SCIMP: variants seen among roughly 807,000 people sequenced by gnomAD.
SCIMP encodes SLP adapter and CSK-interacting membrane protein.
SCIMP carries 18 observed loss-of-function variants against 22.0 expected under a neutral mutation model. That is an observed-to-expected ratio of 0.82 (90% CI 0.56 to 1.21). The LOEUF is 1.21. SCIMP is among the 50% of genes most tolerant of loss of function. The pLI is 0.00. For missense variants in SCIMP, 155 were observed against 171.2 expected (o/e 0.91, Z 0.53); for synonymous variants, 53 against 62.2 (o/e 0.85, Z 0.70).
intron 2 of SCIMP, 23 bp from the exon 3 acceptor site, chr17:5,221,373 A>G (rs1334018918): frequency 6.3e-7 from 1 of 1,586,312 alleles, no homozygotes; most frequent in East Asian, 2.2e-5. Flanking sequence ...AAGCATGTTC[A>G]TTGAAGAAGA....
intron 1 of SCIMP, 53 bp from the exon 2 acceptor site, chr17:5,223,509 T>G (rs1387318952): frequency 3.1e-6 from 5 of 1,591,494 alleles, no homozygotes; most frequent in Non-Finnish European, 4.3e-6. Context: ...TATCCTGGGG[T>G]TGGGTGGAGT....
intron 3 of SCIMP, among the ~76,000 whole-genome samples, chr17:5,216,620 C>T (rs1264943568): frequency 1.3e-5 from 2 of 151,952 alleles, no homozygotes; most frequent in Non-Finnish European, 2.9e-5. Flanking sequence ...GAGCCAAGAT[C>T]GCGCCACTGC....
At position 5,210,956 on chromosome 17, in the gene SCIMP, C is replaced by A. The variant is rs761274771; in HGVS notation, c.284-1G>T. 6.3e-7 allele frequency: 1 copy of A among 1,598,410 alleles called. No individual in the cohort carries two copies. Among genetic ancestry groups the A allele is most frequent in the African/African-American group, 1.4e-5 (1 of 73,844 alleles). On this transcript the variant is annotated splice_acceptor_variant, in intron 4 of 4. Transcript: ENST00000574081. LOFTEE classifies it high-confidence loss of function. Reference sequence around the variant, plus strand: ...GGCTGACTTGGGGCTTCCTGTGGGGCTAGAATACACAAAAAGCTCCTTAGA... The same window carrying A: ...GGCTGACTTGGGGCTTCCTGTGGGGATAGAATACACAAAAAGCTCCTTAGA...
intron 2 of SCIMP, 131 bp downstream of exon 2, chr17:5,223,202 G>C (rs2074621287): frequency 1.1e-6 from 1 of 929,708 alleles, no homozygotes; most frequent in Non-Finnish European, 1.7e-6. Flanking sequence ...CTCAAACCCA[G>C]AATGCAAGAT....
chr17:5,222,543 G>A (rs2074616278), intron 2 of SCIMP, among the ~76,000 whole-genome samples: 1 of 152,218 alleles, frequency 6.6e-6, no homozygotes, highest in Admixed American at 6.5e-5. Context: ...GTCTGAGGGT[G>A]CCAAGAGGTT....
Position 5,217,745 on chromosome 17 carries a change from T to C in SCIMP, c.210-2747A>G, listed in dbSNP as rs2074576255. ...TGTCCCTACAAAGGACATGAACTCA[T>C]CATTTTTTATGGCTGCATAGTATTC... On this transcript the variant is annotated intron_variant, in intron 3 of 4. Transcript: ENST00000574081. Among the ~76,000 whole-genome samples, 4 of 152,098 alleles carry C rather than the reference T, an allele frequency of 2.6e-5. No individual in the cohort carries two copies. The South Asian group carries it at 8.3e-4, about 32-fold the overall frequency.
At chr17:5,221,242 G>C in intron 3 of SCIMP, 45 bp downstream of exon 3, 1 of 1,376,264 alleles carries the variant, frequency 7.3e-7, no homozygotes, top group Non-Finnish European at 1.0e-6. Context: ...GAAGGGAACA[G>C]GCAGTTCTCA....
At chr17:5,211,850 G>A (rs997256693) in intron 4 of SCIMP, among the ~76,000 whole-genome samples, 1 of 152,074 alleles carries the variant, frequency 6.6e-6, no homozygotes, top group African/African-American at 2.4e-5. Context: ...CTGAGGTCGG[G>A]AGTTCGAGAC....
intron 1 of SCIMP, among the ~76,000 whole-genome samples, chr17:5,226,575 G>A (rs1051660384): frequency 6.8e-6 from 1 of 147,772 alleles, no homozygotes; most frequent in African/African-American, 2.5e-5. Context: ...GCGTGATCTC[G>A]GCTCACTGCA....
chr17:5,229,487 C>A (rs989305057), intron 1 of SCIMP, among the ~76,000 whole-genome samples: 1 of 149,408 alleles, frequency 6.7e-6, no homozygotes, highest in South Asian at 2.1e-4. Flanking sequence ...TCCATCTCCC[C>A]GGTTCAAGCA....
chr17:5,215,211 G>A lies in SCIMP; in HGVS notation c.210-213C>T. 5.8e-6 allele frequency: 3 copies of A among 518,762 alleles called. No individual in the cohort carries two copies. The South Asian group carries it at 7.8e-5, about 13-fold the overall frequency. The allele number at this position is 518,762 out of a possible 1,614,324, so 32.1% of individuals were successfully genotyped here. On this transcript the variant is annotated intron_variant, in intron 3 of 4. Coordinates refer to ENST00000574081, the MANE Select transcript of SCIMP (RefSeq NM_207103.3). ...GTTTTCTGTAGCCCTGGAAATGGCTGAAAATGAGGGGAGGGAAATAAAGTG... is the reference window on the plus strand; with the variant it reads ...GTTTTCTGTAGCCCTGGAAATGGCTAAAAATGAGGGGAGGGAAATAAAGTG...
Position 5,210,861 on chromosome 17 carries a change from CT to C in SCIMP, c.377del (p.Glu126GlyfsTer31). ...KKTVSIPSYI[E>X]PEDDYDDVEI... is the part of the protein sequence containing the mutation. ...CAACATCGTCATAGTCATCTTCAGGCTCAATGTAGCTTGGGATGGAAACAGT... is the reference window on the plus strand; with the variant it reads ...CAACATCGTCATAGTCATCTTCAGGCCAATGTAGCTTGGGATGGAAACAGT... On this transcript the variant is annotated frameshift_variant, in exon 5 of 5. Transcript: ENST00000574081. LOFTEE classifies it high-confidence loss of function. The C allele has an allele frequency of 6.2e-7, 1 of 1,614,016 alleles. No homozygotes were observed. Among genetic ancestry groups the C allele is most frequent in the South Asian group, 1.1e-5 (1 of 91,014 alleles).
chr17:5,217,152 A>G (rs1214684310), intron 3 of SCIMP, among the ~76,000 whole-genome samples: 4 of 152,142 alleles, frequency 2.6e-5, no homozygotes. Flanking sequence ...GGAAAAGTCT[A>G]GCTCCTCTCA....
intron 2 of SCIMP, among the ~76,000 whole-genome samples, chr17:5,221,997 C>T (rs34435523): frequency 0.077 from 11,664 of 151,966 alleles, 508 homozygotes; most frequent in Middle Eastern, 0.14. Context: ...TGGTCTTGAA[C>T]TCCCGACCTC....
At chr17:5,212,659 A>T (rs994081741) in intron 4 of SCIMP, among the ~76,000 whole-genome samples, 9 of 152,216 alleles carry the variant, frequency 5.9e-5, no homozygotes, top group African/African-American at 2.2e-4. Context: ...AAAAAAATGT[A>T]CCTGGCTTGT....
At chr17:5,224,002 T>C (rs1438211354) in intron 1 of SCIMP, among the ~76,000 whole-genome samples, 1 of 152,236 alleles carries the variant, frequency 6.6e-6, no homozygotes, top group Admixed American at 6.5e-5. Context: ...TATCTCCTAC[T>C]TCACTGAGGT....
intron 1 of SCIMP, among the ~76,000 whole-genome samples, chr17:5,233,340 A>T (rs960500426): frequency 2.0e-5 from 3 of 150,636 alleles, no homozygotes; most frequent in Non-Finnish European, 3.0e-5. Context: ...TACCAGTGTG[A>T]CCCTGTCCCT....
rs75132483 is a variant in SCIMP, at chr17:5,231,881, T to C, written c.21+2854A>G. 9.1e-3 allele frequency among the ~76,000 whole-genome samples: 1,384 copies of C among 152,198 alleles called. 21 individuals are homozygous for C. Among genetic ancestry groups the C allele is most frequent in the East Asian group, 0.045 (232 of 5,172 alleles). On this transcript the variant is annotated intron_variant, in intron 1 of 4. Coordinates refer to ENST00000574081, the MANE Select transcript of SCIMP (RefSeq NM_207103.3). The stretch of plus-strand genomic sequence containing the variant: ...CATCCTGGCTAACACAATGAAACCC[T>C]GTCTCTACTTAAAAAATACAAAAAA...
Position 5,223,391 on chromosome 17 carries a change from A to G in SCIMP, c.87T>C (p.Val29=). The G allele has an allele frequency of 6.2e-7, 1 of 1,613,924 alleles. No homozygotes were observed. The highest frequency in any genetic ancestry group is 1.1e-5 in the South Asian group (1 of 91,058). Residue 29 remains valine (V), a synonymous_variant, in exon 2 of 5, where the codon GTT becomes GTC. Coordinates refer to ENST00000574081, the MANE Select transcript of SCIMP (RefSeq NM_207103.3). ...FWIILAVAII[V]VSVGLGLILY... ...GGATGAGGCCCAGACCCACAGAGAC[A>G]ACGATGATGGCCACAGCTAAGATGA...
Sources: allele counts gnomAD v4.1 joint callset (sites outside exome capture counted in the v4.1 genomes callset), GRCh38; gene constraint gnomAD v4.1.1; transcripts MANE v1.5; gene names NCBI Gene and HGNC (gene_info 2026-07-23, HGNC 2026-07-21).